The following POLR2F variants were observed in gnomAD, a reference collection of about 807,000 sequenced individuals.
POLR2F encodes the protein DNA-directed RNA polymerases I, II, and III subunit RPABC2.
In POLR2F, 12 loss-of-function variants were observed where a neutral mutation model predicts 22.7. That is an observed-to-expected ratio of 0.53 (90% CI 0.34 to 0.86). The LOEUF (loss-of-function observed/expected upper bound fraction) is 0.86, where lower values mean the gene tolerates loss of function less well. Among genes scored for constraint, POLR2F ranks in the 40% least tolerant of loss-of-function variants. POLR2F has a pLI of 0.02. For synonymous variants in POLR2F, 57 were observed against 66.0 expected, an observed-to-expected ratio of 0.86 and a Z score of 0.66; for missense variants, 126 against 171.5, an observed-to-expected ratio of 0.73 and a Z score of 1.48.
At chr22:38,024,454 C>T (rs1332016495) in intron 1 of POLR2F, among the ~76,000 whole-genome samples, 3 of 152,098 alleles carry the variant, frequency 2.0e-5, no homozygotes, top group Non-Finnish European at 2.9e-5. Context: ...ACTTTTATAG[C>T]GAGAATTCTT....
chr22:38,010,557 T>C (rs1327378657), intron 1 of POLR2F, among the ~76,000 whole-genome samples: 1 of 149,700 alleles, frequency 6.7e-6, no homozygotes, highest in Non-Finnish European at 1.5e-5. Context: ...TTAGCCATTC[T>C]AATAAATATG....
intron 1 of POLR2F, among the ~76,000 whole-genome samples, chr22:38,022,543 C>T (rs1344350368): frequency 4.6e-5 from 6 of 131,754 alleles, no homozygotes; most frequent in African/African-American, 8.7e-5. Context: ...AAGAGTGAAA[C>T]GCTGTCTCAA....
At chr22:38,014,806 A>ATT (rs71737468) in intron 1 of POLR2F, among the ~76,000 whole-genome samples, 4 of 96,930 alleles carry the variant, frequency 4.1e-5, no homozygotes, top group South Asian at 7.1e-4. Flanking sequence ...GTATTTTTGT[A>ATT]TTTTTTTTTT....
chr22:37,958,914 C>T (rs1024092732), intron 2 of POLR2F, among the ~76,000 whole-genome samples: 5 of 152,196 alleles, frequency 3.3e-5, no homozygotes, highest in Non-Finnish European at 7.3e-5. Flanking sequence ...ACTTTTCTAG[C>T]CACTTGGCCC....
chr22:37,983,347 G>C (rs201638602), upstream of POLR2F: 467 of 1,603,374 alleles, frequency 2.9e-4, 2 homozygotes, highest in East Asian at 9.4e-3. This position sits in a 1 kb window ranked among gnomAD's most constrained non-coding sequence, Gnocchi z 9.5. Flanking sequence ...GGGGGCGGTC[G>C]GGTGCTCACC....
chr22:37,968,816 C>G lies in POLR2F; in HGVS notation c.*1101C>G, dbSNP rs3026643. 2,169 of 985,546 alleles carry G rather than the reference C, an allele frequency of 2.2e-3. 36 individuals carry two copies. The African/African-American group carries it at 0.036, about 16-fold the overall frequency. The allele number at this position is 985,546 out of a possible 1,614,324, so 61.1% of individuals were successfully genotyped here. ...CAGGGCCTCCAGGCCTAGGTGCAGC[C>G]TGGCCCTGGGATGGGATGTGGGGAG... On this transcript the variant is annotated 3_prime_UTR_variant, in exon 5 of 5. Coordinates refer to ENST00000442738, the MANE Select transcript of POLR2F (RefSeq NM_021974.5).
At position 37,979,225 on chromosome 22, in the gene POLR2F, G is replaced by C. The variant is rs1932318369; in HGVS notation, c.293+12055G>C. 2.6e-5 allele frequency among the ~76,000 whole-genome samples: 4 copies of C among 152,042 alleles called. No homozygotes were observed. The South Asian group carries it at 8.3e-4, about 32-fold the overall frequency. ...CGATTCTCCTGCCTCAGCCTCCCGGGTAGCTGGGACTACAGGCACGCACCA... is the reference window on the plus strand; with the variant it reads ...CGATTCTCCTGCCTCAGCCTCCCGGCTAGCTGGGACTACAGGCACGCACCA... On this transcript the variant is annotated intron_variant, in intron 4 of 4. Coordinates refer to the POLR2F transcript ENST00000405557.
chr22:37,959,334 C>G lies in POLR2F; in HGVS notation c.91-12C>G. On this transcript the variant is annotated splice_polypyrimidine_tract_variant and intron_variant, in intron 2 of 4. Transcript: ENST00000442738. The stretch of plus-strand genomic sequence containing the variant: ...ACCTGAGTCTTTCCCTCTTTTTTGT[C>G]TTGGTGTCCAGGAAGGCCAGGAGAA... 2 of 1,609,640 alleles carry G rather than the reference C, an allele frequency of 1.2e-6. No homozygotes were observed. The highest frequency in any genetic ancestry group is 8.5e-7 in the Non-Finnish European group (1 of 1,178,632).
intron 1 of POLR2F, among the ~76,000 whole-genome samples, chr22:37,954,316 T>C (rs538565397): frequency 6.6e-6 from 1 of 152,118 alleles, no homozygotes; most frequent in South Asian, 2.1e-4. Flanking sequence ...TTTTTTTTTT[T>C]TTTTGAAACA....
At chr22:37,956,668 C>T (rs1569161089) in intron 1 of POLR2F, 105 bp from the exon 2 acceptor site, 1 of 915,266 alleles carries the variant, frequency 1.1e-6, no homozygotes, top group African/African-American at 1.6e-5. Context: ...CCGCCCACTT[C>T]AATCTCCGAA....
downstream of POLR2F, chr22:37,972,387 G>A: frequency 2.3e-6 from 1 of 431,608 alleles, no homozygotes; most frequent in Non-Finnish European, 4.5e-6. Flanking sequence ...TAGGAGAGGG[G>A]ACTACTGAGA....
Position 38,016,485 on chromosome 22 carries a change from G to C in POLR2F, c.121-9384G>C, listed in dbSNP as rs1006609298. ...AGGGATGTGAGGAAGGGGCCCTTTA[G>C]CCATGATGCCCTCTGACCTTTCATA... On this transcript the variant is annotated intron_variant, in intron 1 of 2. Coordinates refer to the POLR2F transcript ENST00000333418. This position sits in a 1 kb window ranked among gnomAD's most constrained non-coding sequence, Gnocchi z 4.4. 6.6e-6 allele frequency among the ~76,000 whole-genome samples: 1 copy of C among 152,234 alleles called. No homozygotes were observed. The highest frequency in any genetic ancestry group is 2.4e-5 in the African/African-American group (1 of 41,464).
At chr22:37,956,621 T>C (rs1047524048) in intron 1 of POLR2F, 152 bp from the exon 2 acceptor site, 2 of 639,174 alleles carry the variant, frequency 3.1e-6, no homozygotes, top group African/African-American at 1.8e-5. Context: ...TTTGCCTTGT[T>C]GGCCAGGCTG....
chr22:37,983,734 C>T (rs1308432872), upstream of POLR2F: 1 of 1,483,736 alleles, frequency 6.7e-7, no homozygotes, highest in Non-Finnish European at 8.9e-7. This position sits in a 1 kb window ranked among gnomAD's most constrained non-coding sequence, Gnocchi z 9.5. Flanking sequence ...GGGGCTCCTC[C>T]GAGCCCACGG....
rs1932284539 is a variant in POLR2F, at chr22:37,978,219, T to TTGG, written c.293+11049_293+11050insTGG. The TTGG allele has an allele frequency of 7.2e-7, 1 of 1,392,262 alleles. No individual in the cohort carries two copies. Among genetic ancestry groups the TTGG allele is most frequent in the African/African-American group, 1.4e-5 (1 of 69,044 alleles). The allele number at this position is 1,392,262 out of a possible 1,614,324, so 86.2% of individuals were successfully genotyped here. A position where few individuals can be genotyped will look rare whatever the true frequency, so the allele number is the denominator to read the frequency against. On this transcript the variant is annotated intron_variant, in intron 4 of 4. Transcript: ENST00000405557. The surrounding 1 kb of genome is among the most constrained non-coding windows in gnomAD (Gnocchi z 5.0). ...CTCCAGGTTGGCCTCCCTCTGAGTG[T>TTGG]CCATCTTGGAAGATGTGAGGCCCTG...
upstream of POLR2F, chr22:37,983,578 G>C (rs199963686): frequency 9.3e-6 from 15 of 1,610,212 alleles, no homozygotes; most frequent in Admixed American, 2.5e-4. The surrounding 1 kb of genome is among the most constrained non-coding windows in gnomAD (Gnocchi z 9.5). Flanking sequence ...GGATGCACAC[G>C]GGGAACTTGT....
intron 1 of POLR2F, among the ~76,000 whole-genome samples, chr22:38,006,053 T>C (rs1008727313): frequency 1.3e-5 from 2 of 151,942 alleles, no homozygotes; most frequent in Non-Finnish European, 2.9e-5. Context: ...TGAGACACCA[T>C]CTCTATTGAA....
upstream of POLR2F, among the ~76,000 whole-genome samples, chr22:37,981,891 G>C (rs1932408258): frequency 6.6e-6 from 1 of 152,196 alleles, no homozygotes; most frequent in Non-Finnish European, 1.5e-5. Context: ...GCTGAGAAGG[G>C]GCAGGGGAAG....
downstream of POLR2F, among the ~76,000 whole-genome samples, chr22:37,969,713 A>T (rs1462324301): frequency 6.6e-6 from 1 of 152,258 alleles, no homozygotes; most frequent in Non-Finnish European, 1.5e-5. Flanking sequence ...ACATAAGGTT[A>T]GTACTGATTG....
Sources: allele counts gnomAD v4.1 joint callset (sites outside exome capture counted in the v4.1 genomes callset), GRCh38; gene constraint gnomAD v4.1.1; non-coding constraint Gnocchi (gnomAD v3.1); transcripts MANE v1.5; gene names NCBI Gene and HGNC (gene_info 2026-07-23, HGNC 2026-07-21).